The following FAM184A variants were observed in gnomAD, a reference collection of about 807,000 sequenced individuals.
FAM184A encodes protein FAM184A.
In FAM184A, 99 loss-of-function variants were observed where a neutral mutation model predicts 143.8. The ratio of observed to expected loss-of-function variants is 0.69; its 90% CI spans 0.58 to 0.81. The LOEUF is 0.81. Ranked by LOEUF, FAM184A falls within the 40% of genes least tolerant of loss-of-function variation. The pLI, the probability that FAM184A is intolerant of heterozygous loss-of-function variation, is 0.00. For synonymous variants in FAM184A, 427 were observed against 446.4 expected (o/e 0.96, Z 0.55); for missense variants, 1,217 against 1,310.5 (o/e 0.93, Z 1.10).
chr6:119,117,887 T>G (rs183370722), intron 1 of FAM184A, among the ~76,000 whole-genome samples: 1,692 of 152,060 alleles, frequency 0.011, 26 homozygotes, highest in African/African-American at 0.039. Context: ...CAGGCAGGGG[T>G]GGGGGTATCC....
chr6:119,118,649 C>A (rs1789124418), intron 1 of FAM184A, among the ~76,000 whole-genome samples: 1 of 152,096 alleles, frequency 6.6e-6, no homozygotes, highest in Non-Finnish European at 1.5e-5. Flanking sequence ...CAATCAATAC[C>A]CTTGTGATTT....
At chr6:119,102,803 A>G (rs201392160) in intron 1 of FAM184A, among the ~76,000 whole-genome samples, 20 of 142,670 alleles carry the variant, frequency 1.4e-4, no homozygotes, top group Admixed American at 2.5e-4. Context: ...AAAAAAAAAA[A>G]AAAAGAAAAG....
rs144668486 is a variant in FAM184A, at chr6:119,111,499, T to C, written c.-202+37579A>G. Among the ~76,000 whole-genome samples, 3 of 152,316 alleles carry C rather than the reference T, an allele frequency of 2.0e-5. No individual in the cohort carries two copies. The East Asian group carries it at 5.8e-4, about 29-fold the overall frequency. On this transcript the variant is annotated intron_variant, in intron 1 of 16. Transcript: ENST00000352896. Reference sequence around the variant, plus strand: ...GTGCCCAGAACTGTACATTCAAAAATGGCTAAAATGGCAAAAGATAATTTT... The same window carrying C: ...GTGCCCAGAACTGTACATTCAAAAACGGCTAAAATGGCAAAAGATAATTTT...
intron 1 of FAM184A, among the ~76,000 whole-genome samples, chr6:119,066,957 G>T (rs955317089): frequency 6.6e-6 from 1 of 152,184 alleles, no homozygotes; most frequent in Non-Finnish European, 1.5e-5. Flanking sequence ...GACAATTTAT[G>T]CTAGAAAAGA....
intron 1 of FAM184A, among the ~76,000 whole-genome samples, chr6:119,054,056 T>C (rs542860190): frequency 9.6e-5 from 14 of 146,170 alleles, no homozygotes; most frequent in Non-Finnish European, 1.9e-4. Context: ...GAAAAAACCT[T>C]AAAGTTCTCA....
chr6:119,139,957 G>C (rs1313769829), intron 1 of FAM184A, among the ~76,000 whole-genome samples: 1 of 152,238 alleles, frequency 6.6e-6, no homozygotes, highest in African/African-American at 2.4e-5. Flanking sequence ...CATCATCTGT[G>C]CTCACTCCCC....
At chr6:119,038,787 C>A (rs1032740606) in intron 1 of FAM184A, among the ~76,000 whole-genome samples, 4 of 152,122 alleles carry the variant, frequency 2.6e-5, no homozygotes, top group African/African-American at 9.7e-5. Flanking sequence ...GATCCAGGAA[C>A]CCTCTCTTGG....
At chr6:118,973,753 G>C (rs2114563910) in intron 14 of FAM184A, among the ~76,000 whole-genome samples, 1 of 152,152 alleles carries the variant, frequency 6.6e-6, no homozygotes, top group Admixed American at 6.5e-5. Context: ...AGGAAAGGAA[G>C]GGTTATTAAA....
At chr6:118,974,306 C>T (rs1783780643) in intron 14 of FAM184A, 122 bp downstream of exon 14, 4 of 857,312 alleles carry the variant, frequency 4.7e-6, no homozygotes, top group South Asian at 4.0e-5. Flanking sequence ...TAACACAGCA[C>T]TAAAATTTTC....
intron 1 of FAM184A, among the ~76,000 whole-genome samples, chr6:119,089,257 G>T (rs1047886651): frequency 6.6e-6 from 1 of 150,854 alleles, no homozygotes; most frequent in Non-Finnish European, 1.5e-5. Flanking sequence ...AGGCTGGAGT[G>T]CAGTGGCTTG....
chr6:118,964,624 C>T, intron 16 of FAM184A, 43 bp downstream of exon 16: 5 of 1,160,356 alleles, frequency 4.3e-6, no homozygotes, highest in Non-Finnish European at 4.9e-6. Context: ...TTTTAACCAA[C>T]TTTTAAACCA....
At position 119,029,813 on chromosome 6, in the gene FAM184A, G is replaced by T. The variant is rs572284305; in HGVS notation, c.160-5000C>A. On this transcript the variant is annotated intron_variant, in intron 1 of 17. Transcript: ENST00000338891. ...CCAAATATGGCTGCTGCTTGTCTTT[G>T]TATTAATAAATAAAATATTATTGGA... Among the ~76,000 whole-genome samples the T allele has an allele frequency of 3.3e-5, 5 of 152,188 alleles. No homozygotes were observed. In the East Asian group the frequency reaches 7.7e-4, roughly 23 times the overall value.
At chr6:119,125,440 T>G (rs530537777) in intron 1 of FAM184A, among the ~76,000 whole-genome samples, 2 of 152,248 alleles carry the variant, frequency 1.3e-5, no homozygotes, top group Admixed American at 1.3e-4. Context: ...GCCTGGCTAA[T>G]TTTTGTATTT....
chr6:119,005,084 A>C (rs1784880084), intron 7 of FAM184A, among the ~76,000 whole-genome samples: 1 of 152,188 alleles, frequency 6.6e-6, no homozygotes, highest in African/African-American at 2.4e-5. Context: ...AATGGAAAAA[A>C]CACCTCTTAA....
chr6:118,986,063 G>C (rs1018282376), intron 9 of FAM184A, among the ~76,000 whole-genome samples: 2 of 152,196 alleles, frequency 1.3e-5, no homozygotes, highest in African/African-American at 4.8e-5. Context: ...GGAGGCCGAA[G>C]CGGGCGGATC....
chr6:119,077,842 T>C (rs1276939650), intron 1 of FAM184A, among the ~76,000 whole-genome samples: 1 of 152,212 alleles, frequency 6.6e-6, no homozygotes, highest in Non-Finnish European at 1.5e-5. Context: ...AGTAAAGTGA[T>C]TTAGTATTGT....
intron 1 of FAM184A, among the ~76,000 whole-genome samples, chr6:119,045,641 T>C (rs1786500710): frequency 6.6e-6 from 1 of 152,182 alleles, no homozygotes; most frequent in Admixed American, 6.5e-5. Context: ...GAGACCAGAC[T>C]GCCTGCCTGC....
intron 1 of FAM184A, among the ~76,000 whole-genome samples, chr6:119,114,950 A>G (rs906946332): frequency 6.6e-6 from 1 of 152,048 alleles, no homozygotes; most frequent in African/African-American, 2.4e-5. Flanking sequence ...AACCTCTTGG[A>G]CTCAAGCAAT....
At position 118,966,845 on chromosome 6, in the gene FAM184A, T is replaced by G. The variant is rs541370668; in HGVS notation, c.3023A>C (p.Lys1008Thr). Residue 1008 changes from lysine (K) to threonine (T), a missense_variant, in exon 15 of 18, where the codon AAG becomes ACG. Lys to Thr is a moderately conservative substitution (Grantham distance 78). Coordinates refer to ENST00000338891, the MANE Select transcript of FAM184A (RefSeq NM_024581.6). The stretch of plus-strand genomic sequence containing the variant: ...ACCAAAATATCTTACAATTAGTTTC[T>G]TTATGATCTGGTCTCTTTCTGTAAG... Reference protein sequence around the residue: ...AMLTERDQIIKKLIEDNKFYQ... With the variant: ...AMLTERDQIITKLIEDNKFYQ... The G allele has an allele frequency of 1.1e-4, 179 of 1,560,108 alleles. 3 individuals are homozygous for G. In the South Asian group the frequency reaches 1.9e-3, roughly 17 times the overall value.
Sources: gnomAD v4.1 joint callset for allele counts (sites outside exome capture counted in the v4.1 genomes callset) on GRCh38, gnomAD v4.1.1 for gene constraint, MANE v1.5 for transcripts, NCBI Gene and HGNC (gene_info 2026-07-23, HGNC 2026-07-21) for gene names.